The following MAGI2 variants were observed in gnomAD, a reference collection of about 807,000 sequenced individuals.
MAGI2 encodes membrane-associated guanylate kinase, WW and PDZ domain-containing protein 2.
Under a neutral mutation model 133.3 loss-of-function variants are expected in MAGI2, and 35 were observed. The observed-to-expected ratio is 0.26, with a 90% CI of 0.20 to 0.35. The LOEUF is 0.35. Among genes scored for constraint, MAGI2 ranks in the 10% least tolerant of loss-of-function variants. MAGI2 has a pLI of 1.00. For missense variants in MAGI2, 1,636 were observed against 1,863.4 expected (o/e 0.88, Z 2.25); for synonymous variants, 729 against 710.6 (o/e 1.03, Z -0.41).
intron 21 of MAGI2, chr7:78,065,579 C>T: frequency 1.4e-6 from 1 of 693,214 alleles, no homozygotes; most frequent in Non-Finnish European, 2.6e-6. Context: ...CAAACCGTGT[C>T]TTTAGGGTGG....
At chr7:78,584,970 G>C (rs1803246985) in intron 3 of MAGI2, among the ~76,000 whole-genome samples, 1 of 152,156 alleles carries the variant, frequency 6.6e-6, no homozygotes, top group South Asian at 2.1e-4. Context: ...TCCAGGTGAG[G>C]CCTAATCTGT....
chr7:78,241,983 A>G lies in MAGI2; in HGVS notation c.2047+13960T>C, dbSNP rs1467889626. On this transcript the variant is annotated intron_variant, in intron 10 of 21. Transcript: ENST00000354212. ...ATCACCTGATGACGTGACATGATCA[A>G]TAGTTATATATCCTTGATGTGCAGG... Among the ~76,000 whole-genome samples the G allele has an allele frequency of 6.5e-5, 7 of 108,494 alleles. No homozygotes were observed. The East Asian group carries it at 3.0e-3, about 47-fold the overall frequency. The allele number at this position is 108,494 out of a possible 152,430, so 71.2% of individuals were successfully genotyped here. A position where few individuals can be genotyped will look rare whatever the true frequency, so the allele number is the denominator to read the frequency against.
intron 21 of MAGI2, among the ~76,000 whole-genome samples, chr7:78,035,482 G>T (rs985961063): frequency 6.6e-6 from 1 of 152,200 alleles, no homozygotes; most frequent in African/African-American, 2.4e-5. Flanking sequence ...CCAGTGTGGG[G>T]ATTCTGAAAT....
intron 2 of MAGI2, among the ~76,000 whole-genome samples, chr7:78,948,302 T>TG (rs1801597577): frequency 6.7e-6 from 1 of 148,280 alleles, no homozygotes; most frequent in South Asian, 2.1e-4. Flanking sequence ...TTATTTCTAC[T>TG]TTTTTTTTTC....
intron 21 of MAGI2, among the ~76,000 whole-genome samples, chr7:78,040,525 C>T (rs1810714181): frequency 1.3e-5 from 2 of 152,204 alleles, no homozygotes; most frequent in Admixed American, 1.3e-4. Flanking sequence ...AAGGTCACCC[C>T]ACACGGGTTC....
At chr7:78,569,561 A>C (rs1801294895) in intron 3 of MAGI2, among the ~76,000 whole-genome samples, 1 of 152,218 alleles carries the variant, frequency 6.6e-6, no homozygotes, top group Non-Finnish European at 1.5e-5. Context: ...GCGTTTAAGA[A>C]AACAATTTTC....
chr7:78,664,034 T>C (rs1296022164), intron 2 of MAGI2, among the ~76,000 whole-genome samples: 3 of 152,240 alleles, frequency 2.0e-5, no homozygotes, highest in Non-Finnish European at 2.9e-5. Context: ...TCAGGAATTA[T>C]ATTTCATAGT....
intron 1 of MAGI2, among the ~76,000 whole-genome samples, chr7:79,294,275 T>C (rs1836738024): frequency 6.6e-6 from 1 of 152,110 alleles, no homozygotes; most frequent in African/African-American, 2.4e-5. Context: ...TAAAAACCAT[T>C]TTCTTGTCAC....
chr7:78,775,960 G>C (rs1264754363), intron 2 of MAGI2, among the ~76,000 whole-genome samples: 3 of 152,130 alleles, frequency 2.0e-5, no homozygotes, highest in African/African-American at 7.2e-5. Context: ...ACCTGCAAAA[G>C]GCTCAGTCTT....
intron 1 of MAGI2, among the ~76,000 whole-genome samples, chr7:79,351,372 C>A (rs1326911527): frequency 6.6e-6 from 1 of 152,094 alleles, no homozygotes; most frequent in Non-Finnish European, 1.5e-5. Context: ...TTAAGTAAAA[C>A]AAGACACTAC....
At chr7:78,164,012 G>A (rs1825371424) in intron 15 of MAGI2, among the ~76,000 whole-genome samples, 1 of 152,184 alleles carries the variant, frequency 6.6e-6, no homozygotes, top group Non-Finnish European at 1.5e-5. Flanking sequence ...GTTGGCTGGA[G>A]CTCAGTGATG....
At chr7:79,214,407 C>CTCTCTCTCTCTCTATATA (rs1554406633) in intron 1 of MAGI2, among the ~76,000 whole-genome samples, 1 of 17,710 alleles carries the variant, frequency 5.6e-5, no homozygotes, top group Non-Finnish European at 9.4e-5. Flanking sequence ...CTCTCTCTCT[C>CTCTCTCTCTCTCTATATA]TATATATATA....
chr7:78,346,262 T>G (rs749432690), intron 7 of MAGI2, among the ~76,000 whole-genome samples: 1 of 152,214 alleles, frequency 6.6e-6, no homozygotes, highest in Non-Finnish European at 1.5e-5. Context: ...TCATATGTTA[T>G]TCTATTTACA....
intron 9 of MAGI2, among the ~76,000 whole-genome samples, chr7:78,301,388 A>G (rs573742294): frequency 6.6e-6 from 1 of 152,352 alleles, no homozygotes; most frequent in African/African-American, 2.4e-5. Flanking sequence ...CTCTTAAGAC[A>G]CTTGGAGTAC....
At chr7:79,291,496 T>C (rs1836482786) in intron 1 of MAGI2, among the ~76,000 whole-genome samples, 1 of 152,186 alleles carries the variant, frequency 6.6e-6, no homozygotes, top group African/African-American at 2.4e-5. Context: ...GCTAAACTGT[T>C]TTCCAAAACA....
At position 78,148,689 on chromosome 7, in the gene MAGI2, G is replaced by A. The variant is rs75630124; in HGVS notation, c.2845+11336C>T. On this transcript the variant is annotated intron_variant, in intron 16 of 21. Transcript: ENST00000354212. ...AACAGGACTTTGCCAGGTGGTCAAG[G>A]TTAGGGGAAGCAGGCAGCATAGTCA... 2.2e-4 allele frequency among the ~76,000 whole-genome samples: 34 copies of A among 152,218 alleles called. No individual in the cohort carries two copies. In the East Asian group the frequency reaches 5.4e-3, roughly 24 times the overall value.
intron 1 of MAGI2, among the ~76,000 whole-genome samples, chr7:79,399,920 A>G (rs1845351894): frequency 6.6e-6 from 1 of 152,220 alleles, no homozygotes; most frequent in African/African-American, 2.4e-5. Flanking sequence ...TTAGTGTTCC[A>G]TCTATTTACA....
chr7:79,060,095 T>A (rs889696153), intron 1 of MAGI2, among the ~76,000 whole-genome samples: 14 of 152,094 alleles, frequency 9.2e-5, no homozygotes, highest in African/African-American at 3.1e-4. Context: ...CCTTTTTTTA[T>A]CTTACTGCAA....
chr7:79,135,888 C>T (rs1821354054), intron 1 of MAGI2, among the ~76,000 whole-genome samples: 1 of 148,936 alleles, frequency 6.7e-6, no homozygotes, highest in Non-Finnish European at 1.5e-5. Context: ...CTACAGGGAG[C>T]TGTAACGATG....
Sources: gnomAD v4.1 joint callset for allele counts (sites outside exome capture counted in the v4.1 genomes callset) on GRCh38, gnomAD v4.1.1 for gene constraint, MANE v1.5 for transcripts, NCBI Gene and HGNC (gene_info 2026-07-23, HGNC 2026-07-21) for gene names.